Variants in MAML3 observed in about 807,000 individuals in gnomAD.
MAML3 encodes the protein mastermind-like protein 3.
MAML3 carries 27 observed loss-of-function variants against 101.9 expected under a neutral mutation model. The ratio of observed to expected loss-of-function variants is 0.27; its 90% CI spans 0.20 to 0.37. MAML3 has a LOEUF of 0.37. MAML3 is among the 10% of genes least tolerant of loss of function. MAML3 has a pLI of 1.00. For missense variants in MAML3, 1,316 were observed against 1,444.9 expected, an observed-to-expected ratio of 0.91 and a Z score of 1.45; for synonymous variants, 501 against 555.9, an observed-to-expected ratio of 0.90 and a Z score of 1.39.
chr4:139,782,189 G>A (rs903467642), intron 2 of MAML3, among the ~76,000 whole-genome samples: 1 of 152,094 alleles, frequency 6.6e-6, no homozygotes, highest in Non-Finnish European at 1.5e-5. Flanking sequence ...TAGAGACAAG[G>A]TCTCACTTTG....
At chr4:139,945,291 T>C (rs1179065634) in intron 1 of MAML3, among the ~76,000 whole-genome samples, 4 of 152,260 alleles carry the variant, frequency 2.6e-5, no homozygotes, top group Non-Finnish European at 5.9e-5. Context: ...ATTCTTTGAA[T>C]TATCATTTTA....
At chr4:139,985,956 C>T (rs555849214) in intron 1 of MAML3, among the ~76,000 whole-genome samples, 3 of 152,382 alleles carry the variant, frequency 2.0e-5, no homozygotes, top group Admixed American at 2.0e-4. Context: ...TGAGGCCATG[C>T]CTCGTCATTC....
At chr4:140,094,566 G>A (rs947554695) in intron 1 of MAML3, among the ~76,000 whole-genome samples, 4 of 152,242 alleles carry the variant, frequency 2.6e-5, no homozygotes, top group East Asian at 1.9e-4. Context: ...CTCCTTTCTC[G>A]CTCATTTAAG....
chr4:140,121,454 T>C (rs899808253), intron 1 of MAML3, among the ~76,000 whole-genome samples: 1 of 152,224 alleles, frequency 6.6e-6, no homozygotes, highest in African/African-American at 2.4e-5. Flanking sequence ...GTTCTTTGGC[T>C]GGCAATCATG....
chr4:140,113,654 C>T (rs947028965), intron 1 of MAML3, among the ~76,000 whole-genome samples: 1 of 152,204 alleles, frequency 6.6e-6, no homozygotes, highest in Non-Finnish European at 1.5e-5. Flanking sequence ...AGAACTCCCA[C>T]AAAAGCTTGG....
At chr4:139,768,788 G>A (rs1729914848) in intron 2 of MAML3, among the ~76,000 whole-genome samples, 1 of 152,220 alleles carries the variant, frequency 6.6e-6, no homozygotes, top group Non-Finnish European at 1.5e-5. Flanking sequence ...AGGCCTGAAA[G>A]CTATCGTGGC....
At chr4:139,864,633 G>A (rs909978642) in intron 2 of MAML3, among the ~76,000 whole-genome samples, 17 of 127,138 alleles carry the variant, frequency 1.3e-4, no homozygotes, top group African/African-American at 3.6e-4. Flanking sequence ...CCAAGATCGC[G>A]TCACTGCCCT....
At chr4:139,889,217 G>A (rs751792346) in intron 2 of MAML3, 140 bp downstream of exon 2, 4 of 1,494,002 alleles carry the variant, frequency 2.7e-6, no homozygotes, top group Non-Finnish European at 3.7e-6. Context: ...TCCAAACCTG[G>A]CCACTACCTG....
In MAML3 at chr4:139,825,979, T is replaced by C. The variant is rs572035982; in HGVS notation, c.2079+63378A>G. ...TTGTAACCCGGGGTCGGGATATCACTTTGGGAGCAGTTTCGTGTTTCTTGT... is the reference window on the plus strand; with the variant it reads ...TTGTAACCCGGGGTCGGGATATCACCTTGGGAGCAGTTTCGTGTTTCTTGT... On this transcript the variant is annotated intron_variant, in intron 2 of 4. Coordinates refer to ENST00000509479, the MANE Select transcript of MAML3 (RefSeq NM_018717.5). 2.0e-5 allele frequency among the ~76,000 whole-genome samples: 3 copies of C among 152,274 alleles called. No individual in the cohort carries two copies. In the South Asian group the frequency reaches 6.2e-4, roughly 32 times the overall value.
chr4:139,729,832 G>A (rs1300579416), intron 3 of MAML3, among the ~76,000 whole-genome samples: 1 of 152,204 alleles, frequency 6.6e-6, no homozygotes, highest in African/African-American at 2.4e-5. Context: ...TTAACTCACA[G>A]ATTTCCTGAG....
intron 1 of MAML3, among the ~76,000 whole-genome samples, chr4:140,146,264 C>T (rs963590959): frequency 3.9e-5 from 6 of 152,130 alleles, no homozygotes; most frequent in South Asian, 2.1e-4. Context: ...TGCGTGCATG[C>T]GGCCCTCAGA....
intron 1 of MAML3, among the ~76,000 whole-genome samples, chr4:140,011,233 C>CATTATATATATATATAT (rs1726554375): frequency 8.3e-6 from 1 of 119,926 alleles, no homozygotes; most frequent in Non-Finnish European, 1.8e-5. Context: ...ATAAAGTGTG[C>CATTATATATATATATAT]ATATATATAT....
Position 139,889,909 on chromosome 4 carries a change from TTGCTGCTGCTGCTGCTGC to T in MAML3, c.1509_1526del (p.Gln505_Gln510del), listed in dbSNP as rs58015886. ...AATTTGAAGTCTGATTTGAGTGCTG[TTGCTGCTGCTGCTGCTGC>T]TGCTGCTGCTGCTGCTGCTGCTGCT... On this transcript the variant is annotated inframe_deletion, in exon 2 of 5. Coordinates refer to ENST00000509479, the MANE Select transcript of MAML3 (RefSeq NM_018717.5). The T allele has an allele frequency of 4.6e-4, 681 of 1,476,644 alleles. 7 individuals carry two copies. Among genetic ancestry groups the T allele is most frequent in the Middle Eastern group, 2.3e-3 (13 of 5,674 alleles). The allele number at this position is 1,476,644 out of a possible 1,614,324, so 91.5% of individuals were successfully genotyped here. A position where few individuals can be genotyped will look rare whatever the true frequency, so the allele number is the denominator to read the frequency against.
At chr4:140,118,383 T>C (rs1424391358) in intron 1 of MAML3, among the ~76,000 whole-genome samples, 1 of 152,064 alleles carries the variant, frequency 6.6e-6, no homozygotes, top group Non-Finnish European at 1.5e-5. Flanking sequence ...CTAATAAGCA[T>C]GAAATGCTTA....
chr4:139,964,656 T>C (rs377584239), intron 1 of MAML3, among the ~76,000 whole-genome samples: 45 of 152,338 alleles, frequency 3.0e-4, no homozygotes, highest in African/African-American at 6.7e-4. Flanking sequence ...CCAGGTTTTT[T>C]ACTCCTTTAT....
Position 139,717,782 on chromosome 4 carries a change from A to G in MAML3, c.*1541T>C, listed in dbSNP as rs567070067. 7 of 152,488 alleles carry G rather than the reference A, an allele frequency of 4.6e-5. No individual in the cohort carries two copies. The East Asian group carries it at 1.4e-3, about 30-fold the overall frequency. The allele number at this position is 152,488 out of a possible 1,614,324, so 9.4% of individuals were successfully genotyped here. Reference sequence around the variant, plus strand: ...AGGGAGGAGGGGACAGGAAAAAAGCACACGCCACTCTCACTTAGGACGACA... The same window carrying G: ...AGGGAGGAGGGGACAGGAAAAAAGCGCACGCCACTCTCACTTAGGACGACA... On this transcript the variant is annotated 3_prime_UTR_variant, in exon 5 of 5. Coordinates refer to ENST00000509479, the MANE Select transcript of MAML3 (RefSeq NM_018717.5).
chr4:139,757,947 A>G (rs1211365733), intron 2 of MAML3, among the ~76,000 whole-genome samples: 1 of 151,838 alleles, frequency 6.6e-6, no homozygotes, highest in Non-Finnish European at 1.5e-5. Context: ...TGAATATCCA[A>G]AGCACCTTCT....
intron 1 of MAML3, among the ~76,000 whole-genome samples, chr4:140,121,407 G>A (rs1728604058): frequency 6.6e-6 from 1 of 152,118 alleles, no homozygotes; most frequent in African/African-American, 2.4e-5. Context: ...AAGTTCCAAG[G>A]TTCTTCTACA....
intron 1 of MAML3, among the ~76,000 whole-genome samples, chr4:139,896,945 TCTG>T (rs1488002353): frequency 6.6e-6 from 1 of 152,146 alleles, no homozygotes; most frequent in East Asian, 1.9e-4. Context: ...TTACCAGGCC[TCTG>T]CTGACACGGG....
Sources: allele counts gnomAD v4.1 joint callset (sites outside exome capture counted in the v4.1 genomes callset), GRCh38; gene constraint gnomAD v4.1.1; transcripts MANE v1.5; gene names NCBI Gene and HGNC (gene_info 2026-07-23, HGNC 2026-07-21).